The following BTG4 variants were observed in gnomAD, a reference collection of about 807,000 sequenced individuals.
The protein encoded by BTG4 is BTG anti-proliferation factor 4, also known as protein BTG4.
Under a neutral mutation model 19.3 loss-of-function variants are expected in BTG4, and 10 were observed. The ratio of observed to expected loss-of-function variants is 0.52; its 90% confidence interval spans 0.32 to 0.88. The LOEUF (loss-of-function observed/expected upper bound fraction) is 0.88, where lower values mean the gene tolerates loss of function less well. BTG4 is among the 40% of genes least tolerant of loss of function. The pLI, the probability that BTG4 is intolerant of heterozygous loss-of-function variation, is 0.04. For synonymous variants in BTG4, 91 were observed against 95.7 expected (o/e 0.95, Z 0.29); for missense variants, 238 against 281.9 (o/e 0.84, Z 1.11).
the BTG4 span, among the ~76,000 whole-genome samples, chr11:111,411,118 G>T: frequency 6.6e-6 from 1 of 152,084 alleles, no homozygotes; most frequent in Non-Finnish European, 1.5e-5. Context: ...TCCTTTTAAG[G>T]CATAACTATG....
chr11:111,396,189 GGGCAAAT>G, the BTG4 span, among the ~76,000 whole-genome samples: 1 of 152,280 alleles, frequency 6.6e-6, no homozygotes, highest in Non-Finnish European at 1.5e-5. Flanking sequence ...CCATGCTAAG[GGGCAAAT>G]AGTTGGCGCT....
chr11:111,394,343 C>A, the BTG4 span, among the ~76,000 whole-genome samples: 1 of 152,178 alleles, frequency 6.6e-6, no homozygotes, highest in Non-Finnish European at 1.5e-5. Context: ...GTGGGAGGGA[C>A]CCCATGGGAG....
the BTG4 span, among the ~76,000 whole-genome samples, chr11:111,432,515 G>A: frequency 1.3e-5 from 2 of 152,064 alleles, no homozygotes; most frequent in African/African-American, 2.4e-5. Context: ...ATGGTGGTGG[G>A]TGCCTGTAAT....
At chr11:111,465,361 G>C (rs748469592), downstream of BTG4, among the ~76,000 whole-genome samples, 6 of 152,140 alleles carry the variant, frequency 3.9e-5, no homozygotes, top group Non-Finnish European at 8.8e-5. Context: ...TGGCCCACAA[G>C]CTAAGAAAGA....
chr11:111,386,906 A>T, the BTG4 span, among the ~76,000 whole-genome samples: 1 of 152,204 alleles, frequency 6.6e-6, no homozygotes, highest in Non-Finnish European at 1.5e-5. Context: ...CCTCTGGGTT[A>T]GGCAGCAGGA....
At chr11:111,407,580 G>A in the BTG4 span, among the ~76,000 whole-genome samples, 2 of 152,202 alleles carry the variant, frequency 1.3e-5, no homozygotes, top group African/African-American at 2.4e-5. Flanking sequence ...GCTGAGGCAG[G>A]AGAATTGCTA....
the BTG4 span, among the ~76,000 whole-genome samples, chr11:111,459,338 G>A: frequency 6.6e-6 from 1 of 152,170 alleles, no homozygotes; most frequent in Non-Finnish European, 1.5e-5. Flanking sequence ...AGGAATGGCA[G>A]GTGCTCAAGA....
the BTG4 span, among the ~76,000 whole-genome samples, chr11:111,421,828 G>A: frequency 6.6e-5 from 10 of 152,010 alleles, no homozygotes; most frequent in East Asian, 1.9e-4. Context: ...CAAGAGAATC[G>A]CTTGAACCAG....
downstream of BTG4, among the ~76,000 whole-genome samples, chr11:111,491,203 C>T (rs189778770): frequency 2.8e-4 from 43 of 152,088 alleles, no homozygotes; most frequent in African/African-American, 1.0e-3. Flanking sequence ...TTAGTGGTTG[C>T]CAAGGGGTTA....
At chr11:111,389,249 G>A in the BTG4 span, among the ~76,000 whole-genome samples, 1 of 152,094 alleles carries the variant, frequency 6.6e-6, no homozygotes. Context: ...ATGAATGAAT[G>A]AAGAGACAGA....
At chr11:111,431,422 A>T in the BTG4 span, among the ~76,000 whole-genome samples, 43 of 152,194 alleles carry the variant, frequency 2.8e-4, 1 homozygote, top group Non-Finnish European at 5.4e-4. Context: ...GACTCAGAGA[A>T]GTAACTTTCC....
At chr11:111,461,541 T>C in the BTG4 span, among the ~76,000 whole-genome samples, 1 of 152,142 alleles carries the variant, frequency 6.6e-6, no homozygotes, top group Non-Finnish European at 1.5e-5. Flanking sequence ...GCCAACACGG[T>C]GAAACCCCGT....
At chr11:111,447,513 T>G in the BTG4 span, among the ~76,000 whole-genome samples, 900 of 152,308 alleles carry the variant, frequency 5.9e-3, 11 homozygotes, top group African/African-American at 0.021. Context: ...TGGCTGGCTT[T>G]GCCTTGCAGA....
chr11:111,514,527 C>G (rs955637318), upstream of BTG4: 7 of 492,670 alleles, frequency 1.4e-5, no homozygotes, highest in Admixed American at 3.4e-5. Context: ...AACTACTCCC[C>G]CACTGACTCC....
the BTG4 span, among the ~76,000 whole-genome samples, chr11:111,425,852 T>C: frequency 4.6e-5 from 7 of 152,050 alleles, no homozygotes; most frequent in Admixed American, 2.6e-4. Context: ...GGTAACATAG[T>C]GACACCCCAT....
At chr11:111,396,245 T>C in the BTG4 span, among the ~76,000 whole-genome samples, 1 of 152,208 alleles carries the variant, frequency 6.6e-6, no homozygotes, top group Admixed American at 6.5e-5. Flanking sequence ...TCCTGTTATA[T>C]GTAACTTGTA....
the BTG4 span, chr11:111,435,022 C>T: frequency 6.6e-6 from 1 of 152,388 alleles, no homozygotes; most frequent in Non-Finnish European, 1.5e-5. Flanking sequence ...CAAGACACAA[C>T]TCGGAAGGGC....
chr11:111,459,394 G>T, the BTG4 span, among the ~76,000 whole-genome samples: 2 of 152,324 alleles, frequency 1.3e-5, no homozygotes, highest in East Asian at 3.9e-4. Flanking sequence ...TTCTCAAAAG[G>T]TCTGATGCCA....
At chr11:111,453,486 C>A in the BTG4 span, 569 of 456,646 alleles carry the variant, frequency 1.2e-3, 3 homozygotes, top group African/African-American at 0.011. Context: ...AAGAATGCAA[C>A]CTCGATGCCT....
Sources: allele counts gnomAD v4.1 joint callset (sites outside exome capture counted in the v4.1 genomes callset), GRCh38; gene constraint gnomAD v4.1.1; transcripts MANE v1.5; gene names NCBI Gene and HGNC (gene_info 2026-07-23, HGNC 2026-07-21).